Variants in DCTN5 observed in about 807,000 individuals in gnomAD.
DCTN5 encodes the protein dynactin subunit 5.
In DCTN5, 14 loss-of-function variants were observed where a neutral mutation model predicts 23.5. The observed-to-expected ratio is 0.60, with a 90% confidence interval of 0.39 to 0.93. The LOEUF (loss-of-function observed/expected upper bound fraction) is 0.93, where lower values mean the gene tolerates loss of function less well. Ranked by LOEUF, DCTN5 falls within the 40% of genes least tolerant of loss-of-function variation. The probability of loss-of-function intolerance (pLI) is 0.00; values close to 1 mark genes in which losing one functional copy is unlikely to be tolerated. For synonymous variants in DCTN5, 67 were observed against 79.6 expected (o/e 0.84, Z 0.84); for missense variants, 156 against 225.9 (o/e 0.69, Z 1.98).
intron 4 of DCTN5, among the ~76,000 whole-genome samples, chr16:23,664,025 T>C (rs953537117): frequency 6.6e-6 from 1 of 152,170 alleles, no homozygotes; most frequent in Non-Finnish European, 1.5e-5. Flanking sequence ...ATGTAGCACA[T>C]TGGGTGTCCT....
chr16:23,668,231 GAT>G lies in DCTN5; in HGVS notation c.*1088_*1089del, dbSNP rs1428323603. On this transcript the variant is annotated 3_prime_UTR_variant, in exon 6 of 6. Transcript: ENST00000300087. ...GAAGGTTGTCCTTGCCTAATGCTCT[GAT>G]CTGTAAGTGAATAGGGCAGAACAGT... The G allele has an allele frequency of 6.6e-6, 1 of 152,194 alleles. No individual in the cohort carries two copies. Among genetic ancestry groups the G allele is most frequent in the Non-Finnish European group, 1.5e-5 (1 of 68,036 alleles). 9.4% of individuals were successfully genotyped at this position (152,194 alleles called of 1,614,324 possible). A position where few individuals can be genotyped will look rare whatever the true frequency, so the allele number is the denominator to read the frequency against.
chr16:23,662,905 C>A (rs1217579015), intron 4 of DCTN5, among the ~76,000 whole-genome samples: 1 of 151,958 alleles, frequency 6.6e-6, no homozygotes. Context: ...AAATTCTAAT[C>A]CTATTGTCAG....
In DCTN5 at chr16:23,669,293, G is replaced by A. The variant is rs867432553; in HGVS notation, c.*2149G>A. The A allele has an allele frequency of 3.9e-5, 6 of 152,278 alleles. No individual in the cohort carries two copies. Among genetic ancestry groups the A allele is most frequent in the African/African-American group, 1.4e-4 (6 of 41,448 alleles). The allele number at this position is 152,278 out of a possible 1,614,324, so 9.4% of individuals were successfully genotyped here. A position where few individuals can be genotyped will look rare whatever the true frequency, so the allele number is the denominator to read the frequency against. ...GTAGCTGAAAAGGATGGGCTAGATT[G>A]GGCTTCAGGCTGCATCCCAGGACTC... is the stretch of plus-strand genomic sequence containing the variant. On this transcript the variant is annotated 3_prime_UTR_variant, in exon 6 of 6. Transcript: ENST00000300087.
intron 2 of DCTN5, among the ~76,000 whole-genome samples, chr16:23,643,967 A>G (rs1233510991): frequency 6.6e-6 from 1 of 152,100 alleles, no homozygotes; most frequent in African/African-American, 2.4e-5. Flanking sequence ...TTCTTTAAAT[A>G]TTACATCTCT....
At chr16:23,654,450 A>G (rs1446915976) in intron 2 of DCTN5, among the ~76,000 whole-genome samples, 1 of 152,224 alleles carries the variant, frequency 6.6e-6, no homozygotes, top group Admixed American at 6.5e-5. Flanking sequence ...ACTGGGGCCT[A>G]TGGGAGCGGG....
At position 23,642,940 on chromosome 16, in the gene DCTN5, G is replaced by A. The variant is rs373577774; in HGVS notation, c.49-15G>A. The A allele has an allele frequency of 5.8e-5, 93 of 1,613,382 alleles. No homozygotes were observed. The African/African-American group carries it at 1.0e-3, about 18-fold the overall frequency. On this transcript the variant is annotated splice_polypyrimidine_tract_variant and intron_variant, in intron 1 of 5. Transcript: ENST00000300087. Reference sequence around the variant, plus strand: ...TTAAGTTTGCTTTCCCCGGTTTTCCGTTGTTTTCTTTTAGGCATCTGGGAA... The same window carrying A: ...TTAAGTTTGCTTTCCCCGGTTTTCCATTGTTTTCTTTTAGGCATCTGGGAA...
intron 4 of DCTN5, among the ~76,000 whole-genome samples, chr16:23,663,482 G>A (rs889077278): frequency 9.2e-5 from 14 of 152,174 alleles, no homozygotes; most frequent in African/African-American, 3.4e-4. Flanking sequence ...GGGAGGCCGA[G>A]GCAGGAGGAT....
chr16:23,649,715 G>T (rs917643834), intron 2 of DCTN5, among the ~76,000 whole-genome samples: 1 of 151,702 alleles, frequency 6.6e-6, no homozygotes, highest in African/African-American at 2.4e-5. Context: ...TGGCATGCTT[G>T]TAATCCCAGC....
intron 4 of DCTN5, 111 bp downstream of exon 4, chr16:23,661,392 G>A: frequency 1.4e-6 from 1 of 734,586 alleles, no homozygotes; most frequent in Non-Finnish European, 2.3e-6. Context: ...GTGGTTTCCA[G>A]TCTTCCCAGA....
chr16:23,657,382 G>C (rs1196760020), intron 2 of DCTN5: 2 of 324,342 alleles, frequency 6.2e-6, no homozygotes, highest in East Asian at 2.5e-4. Context: ...CTTGAGCCCA[G>C]GAGCTCAAGG....
intron 3 of DCTN5, among the ~76,000 whole-genome samples, chr16:23,660,497 C>A (rs1967789732): frequency 6.6e-6 from 1 of 152,214 alleles, no homozygotes; most frequent in African/African-American, 2.4e-5. Flanking sequence ...AGCCTGCTGA[C>A]TCCTACTCAA....
At position 23,667,133 on chromosome 16, in the gene DCTN5, A is replaced by G. The variant is rs1362327919; in HGVS notation, c.538A>G (p.Thr180Ala). The G allele has an allele frequency of 6.2e-7, 1 of 1,612,344 alleles. No individual in the cohort carries two copies. Among genetic ancestry groups the G allele is most frequent in the East Asian group, 2.2e-5 (1 of 44,880 alleles). Residue 180 changes from threonine (T) to alanine (A), a missense_variant, in exon 6 of 6, where the codon ACG becomes GCG. By Grantham distance (58) the Thr-to-Ala change is moderately conservative. Around this residue, in one of 2 missense-constraint regions of DCTN5, gnomAD observed 3 missense variants for 19.0 expected, o/e 0.16. Transcript: ENST00000300087. ...CTACTACCAGAAGTTTTTGCCCCTG[A>G]CGCAAGTCTAGCATCTCTGCCTCAT... ...KSYYQKFLPL[T>A]QV
chr16:23,658,630 G>T lies in DCTN5; in HGVS notation c.236+5G>T, dbSNP rs753831923. ...ATTCAAGAAGTTCAGCAAAGGGTAT[G>T]TAATTTAATTACTTTGTTCAAGTCT... On this transcript the variant is annotated splice_donor_5th_base_variant and intron_variant, in intron 3 of 5. Transcript: ENST00000300087. 1.9e-6 allele frequency: 3 copies of T among 1,609,300 alleles called. No homozygotes were observed. The highest frequency in any genetic ancestry group is 1.7e-6 in the Non-Finnish European group (2 of 1,175,568).
At position 23,642,978 on chromosome 16, in the gene DCTN5, C is replaced by A; in HGVS notation, c.72C>A (p.Arg24=). 1 of 1,614,122 alleles carries A rather than the reference C, an allele frequency of 6.2e-7. No homozygotes were observed. Residue 24 remains arginine (R), a synonymous_variant, in exon 2 of 6, where the codon CGC becomes CGA. Transcript: ENST00000300087. Reference sequence around the variant, plus strand: ...AGGCATCTGGGAACAAAGTCAGTCGCCAGTCAGTGTTGTGTGGAAGCCAGA... The same window carrying A: ...AGGCATCTGGGAACAAAGTCAGTCGACAGTCAGTGTTGTGTGGAAGCCAGA... ...IETASGNKVS[R]QSVLCGSQNI...
At chr16:23,645,050 G>T (rs1287396979) in intron 2 of DCTN5, among the ~76,000 whole-genome samples, 1 of 122,548 alleles carries the variant, frequency 8.2e-6, no homozygotes, top group Non-Finnish European at 1.6e-5. Flanking sequence ...AAAGTACTGG[G>T]ATTACAAGTG....
At position 23,671,830 on chromosome 16, in the gene DCTN5, TCTTA is replaced by T. The variant is rs1334974316; in HGVS notation, c.*4690_*4693del. On this transcript the variant is annotated 3_prime_UTR_variant, in exon 6 of 6. Coordinates refer to ENST00000300087, the MANE Select transcript of DCTN5 (RefSeq NM_032486.4). ...AAGTGAGAAGAGTTGGCACAGGACA[TCTTA>T]CTTCCCTGAAAACAGTACCTGGACT... 6.6e-6 allele frequency: 1 copy of T among 152,224 alleles called. No homozygotes were observed. Among genetic ancestry groups the T allele is most frequent in the African/African-American group, 2.4e-5 (1 of 41,458 alleles). 9.4% of individuals were successfully genotyped at this position (152,224 alleles called of 1,614,324 possible). A position where few individuals can be genotyped will look rare whatever the true frequency, so the allele number is the denominator to read the frequency against.
At chr16:23,649,987 C>T (rs1353669135) in intron 2 of DCTN5, among the ~76,000 whole-genome samples, 1 of 152,070 alleles carries the variant, frequency 6.6e-6, no homozygotes, top group Non-Finnish European at 1.5e-5. Context: ...TTCTCGTCAC[C>T]TTTGTCAAAA....
In DCTN5 at chr16:23,665,607, A is replaced by G. The variant is rs1250793562; in HGVS notation, c.349-19A>G. 3.1e-6 allele frequency: 5 copies of G among 1,606,448 alleles called. No homozygotes were observed. In the East Asian group the frequency reaches 1.1e-4, roughly 36 times the overall value. On this transcript the variant is annotated intron_variant, in intron 4 of 5. Transcript: ENST00000300087. ...ACAGTAGACTGATCCATTTCCTATT[A>G]ACAAGATTTTAATTTCAGGGGCGCC...
chr16:23,643,682 T>TA (rs202135182), intron 2 of DCTN5, among the ~76,000 whole-genome samples: 5,266 of 152,172 alleles, frequency 0.035, 158 homozygotes, highest in Middle Eastern at 0.068. Context: ...AAGTAATACT[T>TA]ATAAAATTAT....
Sources: gnomAD v4.1 joint callset for allele counts (sites outside exome capture counted in the v4.1 genomes callset) on GRCh38, gnomAD v4.1.1 for gene constraint, gnomAD v4.1.1 regional missense constraint, MANE v1.5 for transcripts, NCBI Gene and HGNC (gene_info 2026-07-23, HGNC 2026-07-21) for gene names.